Variants in LDHAL6A observed in about 807,000 individuals in gnomAD.
LDHAL6A encodes the protein L-lactate dehydrogenase A-like 6A.
LDHAL6A carries 19 observed loss-of-function variants against 28.2 expected under a neutral mutation model. The ratio of observed to expected loss-of-function variants is 0.67; its 90% CI spans 0.47 to 0.99. The LOEUF is 0.99. Among genes scored for constraint, LDHAL6A ranks in the 50% least tolerant of loss-of-function variants. LDHAL6A has a pLI of 0.00. For synonymous variants in LDHAL6A, 144 were observed against 134.4 expected (o/e 1.07, Z -0.49); for missense variants, 372 against 398.6 (o/e 0.93, Z 0.57).
intron 3 of LDHAL6A, chr11:18,469,053 T>C: frequency 2.3e-6 from 1 of 436,528 alleles, no homozygotes; most frequent in Non-Finnish European, 4.1e-6. Context: ...ACAATAGTAT[T>C]TTATATTTTC....
Position 18,465,640 on chromosome 11 carries a change from A to G in LDHAL6A, c.248A>G (p.Tyr83Cys), listed in dbSNP as rs1404251385. ...KMPNIVSSKD[Y>C]LVTANSNLVI... ...GTTTATTCTAATCTTTCCTCAGATT[A>G]CCTGGTCACTGCAAACTCCAATCTA... Residue 83 changes from tyrosine (Y) to cysteine (C), a missense_variant, in exon 3 of 7, where the codon TAC becomes TGC. Transcript: ENST00000280706. 6.2e-7 allele frequency: 1 copy of G among 1,611,506 alleles called. No individual in the cohort carries two copies. The highest frequency in any genetic ancestry group is 1.7e-5 in the Admixed American group (1 of 59,362).
At chr11:18,476,304 A>T (rs1013434450) in intron 4 of LDHAL6A, 80 bp from the exon 5 acceptor site, 5 of 1,499,916 alleles carry the variant, frequency 3.3e-6, no homozygotes, top group Non-Finnish European at 4.5e-6. Context: ...CAGGGCAATT[A>T]TAACAGTTTT....
At chr11:18,465,425 CGTTTT>C (rs1432941604) in intron 2 of LDHAL6A, among the ~76,000 whole-genome samples, 34 of 108,792 alleles carry the variant, frequency 3.1e-4, no homozygotes, top group Non-Finnish European at 5.4e-5. Context: ...ACATGACTTA[CGTTTT>C]TTTTTTTTTT....
chr11:18,465,704 AAC>A lies in LDHAL6A; in HGVS notation c.315_316del (p.Arg106ProfsTer2), dbSNP rs753976976. On this transcript the variant is annotated frameshift_variant, in exon 3 of 7. Coordinates refer to ENST00000280706, the MANE Select transcript of LDHAL6A (RefSeq NM_144972.5). LOFTEE classifies it high-confidence loss of function. ...CAGGTGCACGCCAGAAAAAAGGAGA[AAC>A]ACGCCTTGATTTAGTCCAGCGAAAT... ...TAGARQKKGETRLDLVQRNVS... is the reference protein window; with the variant it reads ...TAGARQKKGEXRLDLVQRNVS... 83 of 1,614,048 alleles carry A rather than the reference AAC, an allele frequency of 5.1e-5. No individual in the cohort carries two copies. The highest frequency in any genetic ancestry group is 1.5e-4 in the Admixed American group (9 of 60,016).
At chr11:18,470,131 G>A (rs1399117510) in intron 3 of LDHAL6A, among the ~76,000 whole-genome samples, 1 of 152,192 alleles carries the variant, frequency 6.6e-6, no homozygotes, top group Non-Finnish European at 1.5e-5. Flanking sequence ...GTTTTACCAT[G>A]TTAGGCTGGT....
rs1222538661 is a variant in LDHAL6A at position 18,475,497 on chromosome 11, GA to G, written c.451del (p.Ser151ValfsTer38). 6.2e-7 allele frequency: 1 copy of G among 1,613,808 alleles called. No homozygotes were observed. The highest frequency in any genetic ancestry group is 1.7e-5 in the Admixed American group (1 of 59,974). Reference sequence around the variant, plus strand: ...TCTTAACTTATGTAGCCTGGAAGTTGAGTGGATTTCCCAAAAACCGTGTTAT... The same window carrying G: ...TCTTAACTTATGTAGCCTGGAAGTTGGTGGATTTCCCAAAAACCGTGTTAT... Reference protein sequence around the residue: ...DILTYVAWKLSGFPKNRVIGS... With the variant: ...DILTYVAWKLXGFPKNRVIGS... On this transcript the variant is annotated frameshift_variant, in exon 4 of 7. Transcript: ENST00000280706. LOFTEE classifies it high-confidence loss of function.
rs201827754 is a variant in LDHAL6A at position 18,463,530 on chromosome 11, CTT to C, written c.127-428_127-427del. Among the ~76,000 whole-genome samples the C allele has an allele frequency of 2.0e-5, 3 of 152,292 alleles. No homozygotes were observed. The East Asian group carries it at 5.8e-4, about 29-fold the overall frequency. On this transcript the variant is annotated intron_variant, in intron 1 of 6. Coordinates refer to ENST00000280706, the MANE Select transcript of LDHAL6A (RefSeq NM_144972.5). ...ACTAAGATACCATTTATTCAAAAAACTTTTACTGAGCTCCTCTGTGCCAGGTG... is the reference window on the plus strand; with the variant it reads ...ACTAAGATACCATTTATTCAAAAAACTTACTGAGCTCCTCTGTGCCAGGTG...
At chr11:18,457,745 C>G (rs1210431414) in intron 1 of LDHAL6A, among the ~76,000 whole-genome samples, 1 of 152,148 alleles carries the variant, frequency 6.6e-6, no homozygotes, top group Non-Finnish European at 1.5e-5. Flanking sequence ...ACGTATTGCC[C>G]AGGCTGCTCT....
At chr11:18,467,880 CATATATATATATATAT>C (rs1161164040) in intron 3 of LDHAL6A, among the ~76,000 whole-genome samples, 4 of 44,412 alleles carry the variant, frequency 9.0e-5, no homozygotes, top group African/African-American at 2.9e-4. Flanking sequence ...TATATACACA[CATATATATATATATAT>C]ATATATATAT....
At position 18,467,936 on chromosome 11, in the gene LDHAL6A, TACAC is replaced by T. The variant is rs1209697435; in HGVS notation, c.418+2132_418+2135del. Among the ~76,000 whole-genome samples, 21 of 65,024 alleles carry T rather than the reference TACAC, an allele frequency of 3.2e-4. 1 individual carries two copies. Among genetic ancestry groups the T allele is most frequent in the Admixed American group, 1.8e-3 (9 of 5,004 alleles). 42.7% of individuals were successfully genotyped at this position (65,024 alleles called of 152,430 possible). On this transcript the variant is annotated intron_variant, in intron 3 of 6. Transcript: ENST00000280706. ...ATATATATACACACACATATATATA[TACAC>T]ACACATATATATATACGTATATATA... is the stretch of plus-strand genomic sequence containing the variant.
intron 2 of LDHAL6A, among the ~76,000 whole-genome samples, chr11:18,464,541 C>T (rs1350863366): frequency 3.9e-5 from 6 of 152,014 alleles, no homozygotes; most frequent in Non-Finnish European, 8.8e-5. Context: ...ATACAGAAAC[C>T]CTGTCTCTAT....
At chr11:18,475,384 T>G in intron 3 of LDHAL6A, 82 bp from the exon 4 acceptor site, 3 of 1,101,672 alleles carry the variant, frequency 2.7e-6, no homozygotes, top group South Asian at 1.5e-5. Context: ...AACATCAGAT[T>G]TACTAGTTTT....
chr11:18,469,129 CT>C, intron 3 of LDHAL6A: 1 of 552,400 alleles, frequency 1.8e-6, no homozygotes, highest in South Asian at 2.4e-5. Context: ...GAAAGGAGAG[CT>C]GTGGAGAGAT....
chr11:18,457,149 G>C (rs1472824131), intron 1 of LDHAL6A, among the ~76,000 whole-genome samples: 1 of 152,164 alleles, frequency 6.6e-6, no homozygotes, highest in Non-Finnish European at 1.5e-5. Context: ...AAGCGTGTCA[G>C]TGATGGTAGG....
At chr11:18,478,644 GTTGT>G (rs1399845988) in intron 6 of LDHAL6A, 58 bp from the exon 7 acceptor site, 12 of 1,309,298 alleles carry the variant, frequency 9.2e-6, no homozygotes, top group Middle Eastern at 3.7e-4. Flanking sequence ...CCTCCCAACT[GTTGT>G]TTCTCATATT....
At chr11:18,469,699 A>G (rs908241684) in intron 3 of LDHAL6A, among the ~76,000 whole-genome samples, 2 of 152,192 alleles carry the variant, frequency 1.3e-5, no homozygotes, top group African/African-American at 4.8e-5. Flanking sequence ...ACTTATTCTG[A>G]TATTAGAACC....
intron 3 of LDHAL6A, among the ~76,000 whole-genome samples, chr11:18,472,555 A>G (rs1008625165): frequency 6.6e-6 from 1 of 152,230 alleles, no homozygotes. Flanking sequence ...ATTTACAAAA[A>G]AGACAAATTA....
At chr11:18,472,387 A>T (rs563803838) in intron 3 of LDHAL6A, among the ~76,000 whole-genome samples, 1 of 152,350 alleles carries the variant, frequency 6.6e-6, no homozygotes, top group African/African-American at 2.4e-5. Flanking sequence ...CCATCAATGG[A>T]TATTAAACAG....
intron 5 of LDHAL6A, 150 bp downstream of exon 5, chr11:18,476,651 A>G: frequency 7.0e-7 from 1 of 1,419,434 alleles, no homozygotes; most frequent in Non-Finnish European, 9.2e-7. Context: ...TATTCACCAG[A>G]TTATAAATTC....
Sources: gnomAD v4.1 joint callset for allele counts (sites outside exome capture counted in the v4.1 genomes callset) on GRCh38, gnomAD v4.1.1 for gene constraint, MANE v1.5 for transcripts, NCBI Gene and HGNC (gene_info 2026-07-23, HGNC 2026-07-21) for gene names.